SELENON: variants seen among roughly 807,000 people sequenced by gnomAD.
SELENON encodes selenoprotein N, 1.
A neutral mutation model predicts 59.5 loss-of-function variants in SELENON; 44 were observed. The ratio of observed to expected loss-of-function variants is 0.74; its 90% CI spans 0.58 to 0.95. The LOEUF is 0.95. Among genes scored for constraint, SELENON ranks in the 40% least tolerant of loss-of-function variants. The pLI, the probability that SELENON is intolerant of heterozygous loss-of-function variation, is 0.00. For synonymous variants in SELENON, 320 were observed against 305.6 expected, an observed-to-expected ratio of 1.05 and a Z score of -0.49; for missense variants, 674 against 721.4, an observed-to-expected ratio of 0.93 and a Z score of 0.75.
chr1:25,805,283 G>A lies in SELENON; in HGVS notation c.537+8G>A. On this transcript the variant is annotated splice_region_variant and intron_variant, in intron 4 of 12. Transcript: ENST00000361547. ...AAAGATGGCTTCCTAGGGGTGAGTT[G>A]GGGACCACAGGCAGTGGGGTCATCT... 1 of 1,613,962 alleles carries A rather than the reference G, an allele frequency of 6.2e-7. No homozygotes were observed. Among genetic ancestry groups the A allele is most frequent in the Non-Finnish European group, 8.5e-7 (1 of 1,180,014 alleles).
intron 7 of SELENON, 44 bp from the exon 7 acceptor site, chr1:25,811,410 T>TAATGA: frequency 6.7e-7 from 1 of 1,502,426 alleles, no homozygotes; most frequent in South Asian, 1.1e-5. Context: ...GTGACACAGA[T>TAATGA]AATGGGCTTT....
intron 3 of SELENON, among the ~76,000 whole-genome samples, chr1:25,803,326 A>G (rs1356219663): frequency 6.6e-6 from 1 of 152,188 alleles, no homozygotes; most frequent in African/African-American, 2.4e-5. Context: ...GAATTCCCCC[A>G]TTACCTCTAG....
At chr1:25,811,153 C>T (rs539118451) in intron 7 of SELENON, among the ~76,000 whole-genome samples, 20 of 152,374 alleles carry the variant, frequency 1.3e-4, no homozygotes, top group African/African-American at 4.3e-4. Context: ...GGCCATCTCT[C>T]TGCTTCAAAG....
chr1:25,813,609 CAG>C lies in SELENON; in HGVS notation c.1388-269_1388-268del, dbSNP rs2047985135. ...CAGCCTGTGTGAAGGCCCTGGGACA[CAG>C]AGCGTTCATTGGATTTAAGAAGCTG... is the stretch of plus-strand genomic sequence containing the variant. On this transcript the variant is annotated intron_variant, in intron 10 of 12. Coordinates refer to ENST00000361547, the MANE Select transcript of SELENON (RefSeq NM_020451.3). 3 of 543,932 alleles carry C rather than the reference CAG, an allele frequency of 5.5e-6. 1 individual carries two copies. The East Asian group carries it at 1.3e-4, about 24-fold the overall frequency. 33.7% of individuals were successfully genotyped at this position (543,932 alleles called of 1,614,324 possible).
chr1:25,805,044 C>T, intron 3 of SELENON, 98 bp from the exon 3 acceptor site: 1 of 1,545,118 alleles, frequency 6.5e-7, no homozygotes, highest in South Asian at 1.1e-5. Context: ...CCCCCACCCC[C>T]TGCCTGGCTC....
chr1:25,812,149 T>C (rs948355727), intron 9 of SELENON, among the ~76,000 whole-genome samples: 1 of 152,112 alleles, frequency 6.6e-6, no homozygotes, highest in African/African-American at 2.4e-5. Context: ...AAGAGCAATC[T>C]GGGCAACATA....
chr1:25,804,633 AT>A (rs2047887280), intron 3 of SELENON, among the ~76,000 whole-genome samples: 1 of 106,484 alleles, frequency 9.4e-6, no homozygotes, highest in African/African-American at 4.0e-5. Context: ...AGCTGGGGCA[AT>A]GCCCCCCCCG....
intron 5 of SELENON, 38 bp downstream of exon 4, chr1:25,808,827 C>G (rs756257556): frequency 1.9e-6 from 3 of 1,610,978 alleles, no homozygotes; most frequent in Non-Finnish European, 2.5e-6. Flanking sequence ...GCCCCTCCGC[C>G]CGAGCCCAGG....
chr1:25,811,680 C>T lies in SELENON; in HGVS notation c.1093-11C>T. The T allele has an allele frequency of 1.9e-6, 3 of 1,611,482 alleles. No individual in the cohort carries two copies. Among genetic ancestry groups the T allele is most frequent in the East Asian group, 2.2e-5 (1 of 44,816 alleles). On this transcript the variant is annotated splice_polypyrimidine_tract_variant and intron_variant, in intron 8 of 12. Coordinates refer to ENST00000361547, the MANE Select transcript of SELENON (RefSeq NM_020451.3). ...TCTGAGCCTTCCCCCTACCACTGAC[C>T]TCTGGCCCAGATGGAGCTGGAGGCC... is the stretch of plus-strand genomic sequence containing the variant.
rs553784083 is a variant in SELENON at position 25,809,627 on chromosome 1, C to T, written c.873-56C>T. The T allele has an allele frequency of 3.7e-5, 59 of 1,608,568 alleles. No individual in the cohort carries two copies. In the Admixed American group the frequency reaches 5.7e-4, roughly 15 times the overall value. On this transcript the variant is annotated intron_variant, in intron 6 of 12. Coordinates refer to ENST00000361547, the MANE Select transcript of SELENON (RefSeq NM_020451.3). Reference sequence around the variant, plus strand: ...CCTGATGATTCTGGCCAAGGCTTCCCGGGCTCCTGGGGAGAAGGTGGGCAG... The same window carrying T: ...CCTGATGATTCTGGCCAAGGCTTCCTGGGCTCCTGGGGAGAAGGTGGGCAG...
At chr1:25,803,804 T>C (rs1278717469) in intron 3 of SELENON, among the ~76,000 whole-genome samples, 3 of 151,884 alleles carry the variant, frequency 2.0e-5, no homozygotes. Context: ...TTCAAGCAAT[T>C]CTCCTGTCTC....
At position 25,805,118 on chromosome 1, in the gene SELENON, C is replaced by G. The variant is rs373488787; in HGVS notation, c.404-24C>G. On this transcript the variant is annotated intron_variant, in intron 3 of 12. Coordinates refer to ENST00000361547, the MANE Select transcript of SELENON (RefSeq NM_020451.3). Reference sequence around the variant, plus strand: ...GAGCCCTGTAGCATAAGGGCAGTGCCTCTCCGATGTCTGTGTCTCATAGGG... The same window carrying G: ...GAGCCCTGTAGCATAAGGGCAGTGCGTCTCCGATGTCTGTGTCTCATAGGG... The G allele has an allele frequency of 1.1e-5, 18 of 1,612,244 alleles. No individual in the cohort carries two copies. In the Admixed American group the frequency reaches 3.0e-4, roughly 27 times the overall value.
chr1:25,805,730 T>C (rs1033515718), intron 4 of SELENON, among the ~76,000 whole-genome samples: 1 of 152,180 alleles, frequency 6.6e-6, no homozygotes, highest in Non-Finnish European at 1.5e-5. Context: ...ATAGGTACTC[T>C]GTTGAACTCT....
In SELENON at chr1:25,800,295, C is replaced by T. The variant is rs2047849177; in HGVS notation, c.65C>T (p.Ala22Val). 1.0e-6 allele frequency: 1 copy of T among 991,366 alleles called. No individual in the cohort carries two copies. Among genetic ancestry groups the T allele is most frequent in the Non-Finnish European group, 1.2e-6 (1 of 834,348 alleles). 61.4% of individuals were successfully genotyped at this position (991,366 alleles called of 1,614,324 possible). Residue 22 changes from alanine to valine, a missense_variant, in exon 1 of 13, where the codon GCG becomes GTG. Transcript: ENST00000361547. Reference sequence around the variant, plus strand: ...CCCGGCCCCGCCGCGCAGCCTCCCGCGCCACCGCGCCGCCGCGCCCGTTCC... The same window carrying T: ...CCCGGCCCCGCCGCGCAGCCTCCCGTGCCACCGCGCCGCCGCGCCCGTTCC...
chr1:25,808,029 A>G (rs2047922379), intron 4 of SELENON, among the ~76,000 whole-genome samples: 1 of 152,056 alleles, frequency 6.6e-6, no homozygotes, highest in Non-Finnish European at 1.5e-5. Context: ...CACCTCAAAC[A>G]TGATTGGCCA....
chr1:25,809,408 C>T (rs552279242), intron 6 of SELENON, among the ~76,000 whole-genome samples: 98 of 152,342 alleles, frequency 6.4e-4, no homozygotes, highest in African/African-American at 2.3e-3. Flanking sequence ...ATGGTTGTGC[C>T]ATCCACACAG....
At position 25,811,821 on chromosome 1, in the gene SELENON, A is replaced by G. The variant is rs1190266100; in HGVS notation, c.1223A>G (p.Glu408Gly). The change falls in exon 9 of 13, where the codon GAG (glutamate) becomes GGG (glycine). Residue 408 changes from glutamate to glycine, a missense_variant. Glu to Gly is a moderately conservative substitution (Grantham distance 98, BLOSUM62 -2). Transcript: ENST00000361547. ...TTTGAGGAGATCAAGTGGCAGCAGG[A>G]GCTGAGCTGGGAGGAGGCTGCCCGG... The G allele has an allele frequency of 6.3e-7, 1 of 1,585,844 alleles. No homozygotes were observed. The highest frequency in any genetic ancestry group is 8.6e-7 in the Non-Finnish European group (1 of 1,166,124).
Position 25,815,548 on chromosome 1 carries a change from G to A in SELENON, c.1603G>A (p.Val535Ile), listed in dbSNP as rs1276446396. 19 of 1,613,890 alleles carry A rather than the reference G, an allele frequency of 1.2e-5. No homozygotes were observed. The highest frequency in any genetic ancestry group is 1.6e-5 in the Non-Finnish European group (19 of 1,179,968). ...TTGCCTCACCCGGCCCTTCTCCCAG[G>A]TCCATCACATCAATGCCAACTACTT... Residue 535 changes from valine (V) to isoleucine (I), a missense_variant and splice_region_variant, in exon 13 of 13, where the codon GTC becomes ATC. By Grantham distance (29) the Val-to-Ile change is conservative. Coordinates refer to ENST00000361547, the MANE Select transcript of SELENON (RefSeq NM_020451.3).
In SELENON at chr1:25,808,737, C is replaced by T. The variant is rs1454400452; in HGVS notation, c.695C>T (p.Thr232Ile). Reference sequence around the variant, plus strand: ...ATCCCCAGTGAGCTGAGCATGTTCACTGGCTACCTGTCCAACAACCGCTTC... The same window carrying T: ...ATCCCCAGTGAGCTGAGCATGTTCATTGGCTACCTGTCCAACAACCGCTTC... The change falls in exon 5 of 13, where the codon ACT becomes ATT. Residue 232 changes from threonine to isoleucine, a missense_variant. Physicochemically the swap from Thr to Ile is moderately conservative, Grantham distance 89 (BLOSUM62 -1). Coordinates refer to ENST00000361547, the MANE Select transcript of SELENON (RefSeq NM_020451.3). The T allele has an allele frequency of 6.2e-7, 1 of 1,614,068 alleles. No homozygotes were observed. Among genetic ancestry groups the T allele is most frequent in the Admixed American group, 1.7e-5 (1 of 60,034 alleles).
Sources: gnomAD v4.1 joint callset for allele counts (sites outside exome capture counted in the v4.1 genomes callset) on GRCh38, gnomAD v4.1.1 for gene constraint, MANE v1.5 for transcripts, NCBI Gene and HGNC (gene_info 2026-07-23, HGNC 2026-07-21) for gene names.